Variants in DLGAP1 observed in about 807,000 individuals in gnomAD.
DLGAP1 encodes DLG associated protein 1.
A neutral mutation model predicts 90.8 loss-of-function variants in DLGAP1; 11 were observed. The ratio of observed to expected loss-of-function variants is 0.12; its 90% CI spans 0.08 to 0.20. The LOEUF (loss-of-function observed/expected upper bound fraction) is 0.20, where lower values mean the gene tolerates loss of function less well. Among genes scored for constraint, DLGAP1 ranks in the 10% least tolerant of loss-of-function variants. DLGAP1 has a pLI of 1.00. For synonymous variants in DLGAP1, 558 were observed against 540.7 expected, an observed-to-expected ratio of 1.03 and a Z score of -0.44; for missense variants, 1,050 against 1,333.8, an observed-to-expected ratio of 0.79 and a Z score of 3.31.
chr18:3,619,056 CAG>C (rs1217322005), intron 7 of DLGAP1, among the ~76,000 whole-genome samples: 1 of 152,052 alleles, frequency 6.6e-6, no homozygotes, highest in African/African-American at 2.4e-5. Context: ...CAAGTGAGGA[CAG>C]AGAGAGGCCA....
At chr18:4,423,892 G>T (rs1160922862) in intron 1 of DLGAP1, among the ~76,000 whole-genome samples, 1 of 141,286 alleles carries the variant, frequency 7.1e-6, no homozygotes, top group African/African-American at 2.6e-5. Flanking sequence ...GTTGGCTCCC[G>T]CCTGTAATCC....
intron 7 of DLGAP1, among the ~76,000 whole-genome samples, chr18:3,650,809 C>A (rs749125033): frequency 1.3e-5 from 2 of 152,206 alleles, no homozygotes; most frequent in Non-Finnish European, 2.9e-5. Context: ...CTGCTCACGC[C>A]TGTAATCCCA....
intron 3 of DLGAP1, among the ~76,000 whole-genome samples, chr18:3,919,079 C>T (rs1028454453): frequency 8.4e-5 from 12 of 142,708 alleles, no homozygotes; most frequent in East Asian, 3.9e-4. Context: ...GTCAAGAAGA[C>T]GCCTGGATAT....
At chr18:3,833,082 A>C (rs1408445585) in intron 4 of DLGAP1, among the ~76,000 whole-genome samples, 3 of 152,038 alleles carry the variant, frequency 2.0e-5, no homozygotes, top group South Asian at 4.1e-4. Context: ...GCCCTATTAC[A>C]TTGGTGGTGT....
At chr18:4,244,987 T>G (rs2078623751) in intron 1 of DLGAP1, among the ~76,000 whole-genome samples, 1 of 152,226 alleles carries the variant, frequency 6.6e-6, no homozygotes, top group African/African-American at 2.4e-5. Flanking sequence ...TTATTCTTGT[T>G]ATAAATATAG....
Position 4,204,014 on chromosome 18 carries a change from T to A in DLGAP1, c.-266-52727A>T, listed in dbSNP as rs2077665530. On this transcript the variant is annotated intron_variant, in intron 1 of 12. Coordinates refer to ENST00000315677, the MANE Select transcript of DLGAP1 (RefSeq NM_004746.4). ...TTAGGATTTACCATGCTTCTAGATT[T>A]GACTGTCAAATAACACATGGTCCAT... Among the ~76,000 whole-genome samples, 2 of 152,206 alleles carry A rather than the reference T, an allele frequency of 1.3e-5. 1 individual carries two copies. Among genetic ancestry groups the A allele is most frequent in the South Asian group, 4.1e-4 (2 of 4,836 alleles).
At chr18:3,933,421 T>C (rs972357838) in intron 3 of DLGAP1, among the ~76,000 whole-genome samples, 1 of 152,232 alleles carries the variant, frequency 6.6e-6, no homozygotes, top group Non-Finnish European at 1.5e-5. Context: ...CCATTTCTGC[T>C]AAGGGGTTCA....
chr18:3,696,208 C>A (rs1368492372), intron 7 of DLGAP1, among the ~76,000 whole-genome samples: 1 of 152,130 alleles, frequency 6.6e-6, no homozygotes, highest in African/African-American at 2.4e-5. Flanking sequence ...TGCCTGATTG[C>A]CCTGGCCAGA....
intron 1 of DLGAP1, among the ~76,000 whole-genome samples, chr18:4,351,717 T>C (rs1180040532): frequency 1.3e-5 from 2 of 152,224 alleles, no homozygotes; most frequent in East Asian, 3.9e-4. Context: ...AGTTTCATCA[T>C]GAATAGCTTA....
intron 3 of DLGAP1, among the ~76,000 whole-genome samples, chr18:3,888,297 G>A (rs993996878): frequency 3.9e-5 from 6 of 152,042 alleles, no homozygotes; most frequent in African/African-American, 4.8e-5. Flanking sequence ...ATTTTCATGC[G>A]TTGTGTGCTT....
chr18:3,841,382 T>C (rs1439706872), intron 4 of DLGAP1, among the ~76,000 whole-genome samples: 2 of 152,192 alleles, frequency 1.3e-5, no homozygotes, highest in Admixed American at 1.3e-4. Context: ...GGAAGTACTT[T>C]CAGTTTAATT....
intron 4 of DLGAP1, among the ~76,000 whole-genome samples, chr18:3,875,009 C>T (rs1014952819): frequency 2.0e-5 from 3 of 152,080 alleles, no homozygotes; most frequent in African/African-American, 7.2e-5. Flanking sequence ...CTAAATTAAG[C>T]GAATTCTAAG....
intron 3 of DLGAP1, among the ~76,000 whole-genome samples, chr18:3,899,143 G>A (rs866567857): frequency 2.7e-4 from 41 of 152,142 alleles, no homozygotes; most frequent in African/African-American, 9.2e-4. Flanking sequence ...GAAATAAGGA[G>A]GGGGAAATGA....
chr18:4,399,746 T>TAG (rs1203743820), intron 1 of DLGAP1, among the ~76,000 whole-genome samples: 11 of 152,190 alleles, frequency 7.2e-5, no homozygotes, highest in Non-Finnish European at 1.6e-4. Context: ...GCAAGAGGCA[T>TAG]AGAGAGAGAC....
intron 5 of DLGAP1, among the ~76,000 whole-genome samples, chr18:3,757,275 G>A (rs2063755138): frequency 6.6e-6 from 1 of 152,300 alleles, no homozygotes. Context: ...TGGTGTGGTG[G>A]CATGCGCCTG....
intron 7 of DLGAP1, among the ~76,000 whole-genome samples, chr18:3,593,043 A>C (rs2056370675): frequency 6.6e-6 from 1 of 152,134 alleles, no homozygotes; most frequent in African/African-American, 2.4e-5. Flanking sequence ...ACTCATCTAG[A>C]GATTCAGTGA....
At chr18:3,659,394 T>TATACACACACACAC (rs1555618610) in intron 7 of DLGAP1, among the ~76,000 whole-genome samples, 3 of 102,124 alleles carry the variant, frequency 2.9e-5, no homozygotes, top group African/African-American at 1.4e-4. Context: ...CATACATTTA[T>TATACACACACACAC]ACACACACAC....
intron 3 of DLGAP1, among the ~76,000 whole-genome samples, chr18:3,933,059 C>T (rs1224028230): frequency 1.3e-5 from 2 of 152,266 alleles, no homozygotes; most frequent in East Asian, 3.9e-4. Flanking sequence ...AAACTTTTGA[C>T]CTTGGGAGTT....
intron 1 of DLGAP1, among the ~76,000 whole-genome samples, chr18:4,358,138 C>T (rs1345978904): frequency 1.3e-5 from 2 of 152,148 alleles, no homozygotes; most frequent in African/African-American, 4.8e-5. Context: ...GGGAACAAAA[C>T]AGCCAATAAT....
Sources: gnomAD v4.1 joint callset for allele counts (sites outside exome capture counted in the v4.1 genomes callset) on GRCh38, gnomAD v4.1.1 for gene constraint, MANE v1.5 for transcripts, NCBI Gene and HGNC (gene_info 2026-07-23, HGNC 2026-07-21) for gene names.